Variants in SNX10 observed in about 807,000 individuals in gnomAD.
SNX10 encodes the protein sorting nexin-10.
In SNX10, 25 loss-of-function variants were observed where a neutral mutation model predicts 28.5. The observed-to-expected ratio is 0.88, with a 90% CI of 0.64 to 1.22. The LOEUF (loss-of-function observed/expected upper bound fraction) is 1.22, where lower values mean the gene tolerates loss of function less well. Ranked by LOEUF, SNX10 falls within the 50% of genes most tolerant of loss-of-function variation. The pLI is 0.00. For synonymous variants in SNX10, 62 were observed against 81.4 expected, an observed-to-expected ratio of 0.76 and a Z score of 1.28; for missense variants, 223 against 242.6, an observed-to-expected ratio of 0.92 and a Z score of 0.54.
chr7:26,369,872 C>A (rs1789445285), intron 5 of SNX10, among the ~76,000 whole-genome samples: 1 of 152,150 alleles, frequency 6.6e-6, no homozygotes, highest in South Asian at 2.1e-4. Context: ...GTTTGCTGTA[C>A]CCATGTGTTA....
intron 1 of SNX10, among the ~76,000 whole-genome samples, chr7:26,309,901 T>G (rs1786754411): frequency 6.6e-6 from 1 of 152,170 alleles, no homozygotes; most frequent in Non-Finnish European, 1.5e-5. Context: ...ACCTGGCCTC[T>G]GGGGCCCTTA....
At chr7:26,344,330 C>T (rs951510835) in intron 1 of SNX10, among the ~76,000 whole-genome samples, 10 of 152,054 alleles carry the variant, frequency 6.6e-5, no homozygotes, top group Admixed American at 5.9e-4. Context: ...CCATGACTCC[C>T]GGATAAGTTT....
chr7:26,314,859 G>T (rs759568214), intron 1 of SNX10, among the ~76,000 whole-genome samples: 4 of 152,080 alleles, frequency 2.6e-5, no homozygotes, highest in Non-Finnish European at 4.4e-5. Flanking sequence ...TTAGCTGTGT[G>T]TAGTGGCACA....
intron 5 of SNX10, among the ~76,000 whole-genome samples, chr7:26,367,063 A>G (rs1244960078): frequency 1.3e-5 from 2 of 152,152 alleles, no homozygotes; most frequent in Non-Finnish European, 2.9e-5. Flanking sequence ...GCCTTGGAAC[A>G]GTCACTTCAT....
At chr7:26,342,704 C>T (rs1365516397) in intron 1 of SNX10, among the ~76,000 whole-genome samples, 2 of 152,162 alleles carry the variant, frequency 1.3e-5, no homozygotes, top group Non-Finnish European at 2.9e-5. Flanking sequence ...TTTCACTGTA[C>T]AGATTTACAG....
chr7:26,357,057 G>A, intron 2 of SNX10: 1 of 1,225,838 alleles, frequency 8.2e-7, no homozygotes. Context: ...GGATGTATGA[G>A]GCATTCAAGT....
chr7:26,372,125 CT>C, intron 6 of SNX10, 92 bp downstream of exon 6: 2 of 831,914 alleles, frequency 2.4e-6, no homozygotes, highest in Non-Finnish European at 3.7e-6. Context: ...ACACACTTCA[CT>C]TTTTTGTTGA....
Position 26,364,129 on chromosome 7 carries a change from G to A in SNX10, c.112-406G>A, listed in dbSNP as rs1789196964. ...GTCTCATAAAGGGTCATGAGGAGGT[G>A]TCTCTAAGCCCCAAAGTTTCCTCCA... On this transcript the variant is annotated intron_variant, in intron 3 of 6. Coordinates refer to ENST00000338523, the MANE Select transcript of SNX10 (RefSeq NM_013322.3). This position sits in a 1 kb window ranked among gnomAD's most constrained non-coding sequence, Gnocchi z 4.9. Among the ~76,000 whole-genome samples, 1 of 152,212 alleles carries A rather than the reference G, an allele frequency of 6.6e-6. No homozygotes were observed. The highest frequency in any genetic ancestry group is 2.1e-4 in the South Asian group (1 of 4,832).
At chr7:26,320,631 A>C (rs1787276139) in intron 1 of SNX10, among the ~76,000 whole-genome samples, 1 of 151,594 alleles carries the variant, frequency 6.6e-6, no homozygotes. Flanking sequence ...CGGGGGTTTC[A>C]CCATATTGGC....
intron 1 of SNX10, among the ~76,000 whole-genome samples, chr7:26,308,737 T>G (rs1786696270): frequency 6.6e-6 from 1 of 152,028 alleles, no homozygotes. Context: ...GGATCCCCAG[T>G]TTATAGCCAG....
intron 2 of SNX10, among the ~76,000 whole-genome samples, chr7:26,351,387 C>T (rs917319048): frequency 9.8e-5 from 15 of 152,308 alleles, no homozygotes; most frequent in African/African-American, 3.4e-4. Flanking sequence ...TGGCACTTTA[C>T]CCTCTGAAAT....
Position 26,374,161 on chromosome 7 carries a change from C to T in SNX10, c.*1589C>T, listed in dbSNP as rs1041695617. 3.3e-5 allele frequency: 5 copies of T among 152,044 alleles called. No individual in the cohort carries two copies. Among genetic ancestry groups the T allele is most frequent in the Admixed American group, 1.3e-4 (2 of 15,276 alleles). 9.4% of individuals were successfully genotyped at this position (152,044 alleles called of 1,614,324 possible). On this transcript the variant is annotated 3_prime_UTR_variant, in exon 7 of 7. Coordinates refer to ENST00000338523, the MANE Select transcript of SNX10 (RefSeq NM_013322.3). ...CTTCAGCAATATGTATTTGAGTTCA[C>T]ACTATTTCTGTTTTACAGCAGTTTT...
intron 5 of SNX10, 92 bp from the exon 6 acceptor site, chr7:26,371,729 C>T: frequency 2.3e-6 from 2 of 865,352 alleles, no homozygotes; most frequent in Non-Finnish European, 3.6e-6. Context: ...GAGAAATTAC[C>T]TTCAGTGGTA....
In SNX10 at chr7:26,371,980, TGAA is replaced by T. The variant is rs1485488527; in HGVS notation, c.477_479del (p.Glu159del). On this transcript the variant is annotated inframe_deletion, in exon 6 of 7. Coordinates refer to ENST00000338523, the MANE Select transcript of SNX10 (RefSeq NM_013322.3). Reference sequence around the variant, plus strand: ...TTGCCTTAATGAATAGACGTTTCCCTGAAGAAGATGAAGAAGGAAAAAAAGAAA... The same window carrying T: ...TTGCCTTAATGAATAGACGTTTCCCTGAAGATGAAGAAGGAAAAAAAGAAA... The T allele has an allele frequency of 1.2e-6, 2 of 1,613,062 alleles. No individual in the cohort carries two copies. The highest frequency in any genetic ancestry group is 2.2e-5 in the East Asian group (1 of 44,842).
chr7:26,364,474 A>C lies in SNX10; in HGVS notation c.112-61A>C. 1 of 1,538,610 alleles carries C rather than the reference A, an allele frequency of 6.5e-7. No homozygotes were observed. Among genetic ancestry groups the C allele is most frequent in the Non-Finnish European group, 8.8e-7 (1 of 1,140,660 alleles). On this transcript the variant is annotated intron_variant, in intron 3 of 6. Coordinates refer to ENST00000338523, the MANE Select transcript of SNX10 (RefSeq NM_013322.3). This position sits in a 1 kb window ranked among gnomAD's most constrained non-coding sequence, Gnocchi z 4.9. ...ATGTTGAGATCATATTGTGAATTATAGATACAAGAAATGCATTTTTTTCCT... is the reference window on the plus strand; with the variant it reads ...ATGTTGAGATCATATTGTGAATTATCGATACAAGAAATGCATTTTTTTCCT...
At chr7:26,354,809 G>T (rs540295711) in intron 2 of SNX10, among the ~76,000 whole-genome samples, 24 of 152,286 alleles carry the variant, frequency 1.6e-4, no homozygotes, top group African/African-American at 5.8e-4. Context: ...GCAAAGCAAA[G>T]ATTTTTAGTT....
rs942187098 is a variant in SNX10 at position 26,371,941 on chromosome 7, A to T, written c.432A>T (p.Glu144Asp). The T allele has an allele frequency of 2.1e-5, 34 of 1,613,568 alleles. No homozygotes were observed. Among genetic ancestry groups the T allele is most frequent in the Non-Finnish European group, 2.8e-5 (33 of 1,179,648 alleles). Residue 144 changes from glutamate (E) to aspartate (D), a missense_variant, in exon 6 of 7, where the codon GAA (glutamate) becomes GAT (aspartate). Physicochemically the swap from Glu to Asp is conservative, Grantham distance 45. Coordinates refer to ENST00000338523, the MANE Select transcript of SNX10 (RefSeq NM_013322.3). ...GGCAGACTAAGTACTCTGTGGAAGAAGCAATTCACAAGTTTGCCTTAATGA... is the reference window on the plus strand; with the variant it reads ...GGCAGACTAAGTACTCTGTGGAAGATGCAATTCACAAGTTTGCCTTAATGA... ...VSGQTKYSVE[E>D]AIHKFALMNR...
intron 1 of SNX10, among the ~76,000 whole-genome samples, chr7:26,294,430 C>G (rs1165822941): frequency 6.6e-6 from 1 of 152,204 alleles, no homozygotes; most frequent in African/African-American, 2.4e-5. Flanking sequence ...GTAATCTTTG[C>G]TTCCCAGAAC....
At chr7:26,324,807 T>A (rs1306693734) in intron 1 of SNX10, among the ~76,000 whole-genome samples, 4 of 152,198 alleles carry the variant, frequency 2.6e-5, no homozygotes, top group African/African-American at 9.7e-5. Flanking sequence ...ATGGGCAATA[T>A]TTTACTTCTC....
Sources: allele counts gnomAD v4.1 joint callset (sites outside exome capture counted in the v4.1 genomes callset), GRCh38; gene constraint gnomAD v4.1.1; non-coding constraint Gnocchi (gnomAD v3.1); transcripts MANE v1.5; gene names NCBI Gene and HGNC (gene_info 2026-07-23, HGNC 2026-07-21).